The following ROBO1 variants were observed in gnomAD, a reference collection of about 807,000 sequenced individuals.
ROBO1 encodes the protein roundabout guidance receptor 1.
Under a neutral mutation model 195.9 loss-of-function variants are expected in ROBO1, and 149 were observed. That is an observed-to-expected ratio of 0.76 (90% CI 0.67 to 0.87). The LOEUF (loss-of-function observed/expected upper bound fraction) is 0.87. Ranked by LOEUF, ROBO1 falls within the 40% of genes least tolerant of loss-of-function variation. The pLI is 0.00. For synonymous variants in ROBO1, 816 were observed against 733.2 expected, an observed-to-expected ratio of 1.11 and a Z score of -1.82; for missense variants, 1,933 against 2,068.3, an observed-to-expected ratio of 0.93 and a Z score of 1.27.
intron 2 of ROBO1, among the ~76,000 whole-genome samples, chr3:79,338,935 T>C (rs1250312094): frequency 6.6e-6 from 1 of 152,196 alleles, no homozygotes; most frequent in Non-Finnish European, 1.5e-5. Flanking sequence ...ACTTTGATTT[T>C]ACATCCCTCC....
chr3:79,002,091 A>G (rs1282775607), intron 3 of ROBO1, among the ~76,000 whole-genome samples: 1 of 152,144 alleles, frequency 6.6e-6, no homozygotes, highest in Admixed American at 6.6e-5. Context: ...GAGACTATAG[A>G]TATTTACAGG....
chr3:78,746,757 C>G lies in ROBO1; in HGVS notation c.643G>C (p.Asp215His). Residue 215 changes from aspartate to histidine, a missense_variant, in exon 5 of 31, where the codon GAT becomes CAT. Transcript: ENST00000464233. ...KKDGSPLDDK[D>H]ERITIRGGKL... ...TAAATACTCACAGTTATTCTTTCATCTTTATCATCCAGTGGAGAGCCATCT... is the reference window on the plus strand; with the variant it reads ...TAAATACTCACAGTTATTCTTTCATGTTTATCATCCAGTGGAGAGCCATCT... 6.5e-7 allele frequency: 1 copy of G among 1,534,148 alleles called. No homozygotes were observed. The highest frequency in any genetic ancestry group is 8.8e-7 in the Non-Finnish European group (1 of 1,130,346).
intron 2 of ROBO1, among the ~76,000 whole-genome samples, chr3:79,424,671 C>T (rs568626100): frequency 3.4e-4 from 52 of 152,098 alleles, no homozygotes; most frequent in African/African-American, 1.3e-3. Context: ...ATGGTGCTCC[C>T]CAAGACCATA....
rs1262463299 is a variant in ROBO1, at chr3:78,847,008, T to C, written c.499+91593A>G. Among the ~76,000 whole-genome samples the C allele has an allele frequency of 5.3e-5, 8 of 152,236 alleles. No individual in the cohort carries two copies. The South Asian group carries it at 8.3e-4, about 16-fold the overall frequency. ...CAGATCTCAACACTTAGTACAATGA[T>C]GGAGAAGGCGATAATGCTGTGTCTC... On this transcript the variant is annotated intron_variant, in intron 4 of 30. Transcript: ENST00000464233.
intron 1 of ROBO1, among the ~76,000 whole-genome samples, chr3:79,686,059 T>A (rs1947098270): frequency 6.6e-6 from 1 of 152,200 alleles, no homozygotes; most frequent in Non-Finnish European, 1.5e-5. Flanking sequence ...GATGCAAGGC[T>A]GGTTCAACAT....
intron 3 of ROBO1, among the ~76,000 whole-genome samples, chr3:78,948,060 C>T (rs549169664): frequency 6.6e-6 from 1 of 152,176 alleles, no homozygotes; most frequent in South Asian, 2.1e-4. Flanking sequence ...GAGTCCAGGA[C>T]CAGATGGATT....
chr3:79,213,005 G>A (rs1482488355), intron 2 of ROBO1, among the ~76,000 whole-genome samples: 1 of 151,956 alleles, frequency 6.6e-6, no homozygotes, highest in Non-Finnish European at 1.5e-5. Context: ...CTATGACTTG[G>A]GAGGCTGAGG....
At position 79,086,665 on chromosome 3, in the gene ROBO1, G is replaced by A. The variant is rs549822357; in HGVS notation, c.172+38791C>T. ...GAAATGCAGCGATATTTTCCCGCAT[G>A]TCAGTGAAAAACAGTATGCAGACAC... On this transcript the variant is annotated intron_variant, in intron 3 of 30. Transcript: ENST00000464233. Among the ~76,000 whole-genome samples, 15 of 152,284 alleles carry A rather than the reference G, an allele frequency of 9.9e-5. No individual in the cohort carries two copies. The Middle Eastern group carries it at 0.01, about 104-fold the overall frequency.
At chr3:79,209,070 T>G (rs778061243) in intron 2 of ROBO1, among the ~76,000 whole-genome samples, 1 of 152,106 alleles carries the variant, frequency 6.6e-6, no homozygotes, top group Non-Finnish European at 1.5e-5. Context: ...CATGAATAAG[T>G]TCTTTAGTGG....
At chr3:79,063,492 G>A (rs1198670305) in intron 3 of ROBO1, among the ~76,000 whole-genome samples, 3 of 130,710 alleles carry the variant, frequency 2.3e-5, no homozygotes, top group Non-Finnish European at 4.7e-5. Context: ...ATTCCAATAA[G>A]CTAGAGTTTT....
chr3:78,662,242 C>CA, intron 14 of ROBO1, 128 bp from the exon 15 acceptor site: 1 of 508,384 alleles, frequency 2.0e-6, no homozygotes. Context: ...GGCTGTGATT[C>CA]GGAAAAAAAA....
chr3:78,744,593 C>T (rs1455213665), intron 5 of ROBO1, among the ~76,000 whole-genome samples: 2 of 152,176 alleles, frequency 1.3e-5, no homozygotes, highest in Admixed American at 1.3e-4. Flanking sequence ...TGATTTTTTA[C>T]TCTCTAGTGA....
chr3:78,934,059 T>A (rs1011156776), intron 4 of ROBO1, among the ~76,000 whole-genome samples: 39 of 152,160 alleles, frequency 2.6e-4, no homozygotes, highest in African/African-American at 8.7e-4. Context: ...AGAACTGATC[T>A]CATTTTTGAA....
At chr3:78,936,886 T>C (rs911497821) in intron 4 of ROBO1, among the ~76,000 whole-genome samples, 2 of 152,128 alleles carry the variant, frequency 1.3e-5, no homozygotes, top group African/African-American at 4.8e-5. Flanking sequence ...TAGCCTTCTG[T>C]TATGATGACA....
At chr3:79,213,824 T>TTC (rs2082007144) in intron 2 of ROBO1, among the ~76,000 whole-genome samples, 1 of 143,672 alleles carries the variant, frequency 7.0e-6, no homozygotes, top group Non-Finnish European at 1.5e-5. Context: ...TTCTTTTTTT[T>TTC]TTTTTTTTTT....
At chr3:79,053,263 T>C (rs1426852514) in intron 3 of ROBO1, among the ~76,000 whole-genome samples, 1 of 151,948 alleles carries the variant, frequency 6.6e-6, no homozygotes, top group Non-Finnish European at 1.5e-5. Context: ...CGGCCTTTGT[T>C]AGCTGATCAG....
chr3:78,805,414 TTTAA>T (rs1197406445), intron 4 of ROBO1, among the ~76,000 whole-genome samples: 118 of 152,252 alleles, frequency 7.8e-4, no homozygotes, highest in African/African-American at 2.7e-3. Context: ...AAAGCTTACA[TTTAA>T]TTACTTATAC....
At chr3:78,907,995 C>T (rs976013740) in intron 4 of ROBO1, among the ~76,000 whole-genome samples, 34 of 151,774 alleles carry the variant, frequency 2.2e-4, no homozygotes, top group South Asian at 2.1e-4. Flanking sequence ...CATGGAAATA[C>T]AATGGAATAT....
At chr3:79,331,460 A>T (rs2034435516) in intron 2 of ROBO1, among the ~76,000 whole-genome samples, 1 of 152,206 alleles carries the variant, frequency 6.6e-6, no homozygotes, top group African/African-American at 2.4e-5. Context: ...TTTATAAAAG[A>T]CTTCTGATTG....
Sources: allele counts gnomAD v4.1 joint callset (sites outside exome capture counted in the v4.1 genomes callset), GRCh38; gene constraint gnomAD v4.1.1; transcripts MANE v1.5; gene names NCBI Gene and HGNC (gene_info 2026-07-23, HGNC 2026-07-21).